OPN5: variants seen among roughly 807,000 people sequenced by gnomAD.
OPN5 encodes opsin-5.
OPN5 carries 18 observed loss-of-function variants against 41.7 expected under a neutral mutation model. The ratio of observed to expected loss-of-function variants is 0.43; its 90% CI spans 0.30 to 0.64. The LOEUF is 0.64. OPN5 is among the 30% of genes least tolerant of loss of function. OPN5 has a pLI of 0.13. For missense variants in OPN5, 318 were observed against 434.5 expected (o/e 0.73, Z 2.38); for synonymous variants, 178 against 164.3 (o/e 1.08, Z -0.64).
intron 3 of OPN5, chr6:47,793,858 C>T: frequency 4.0e-6 from 3 of 748,678 alleles, no homozygotes; most frequent in Non-Finnish European, 3.3e-6. Context: ...ATGTGATTAC[C>T]TGTGCCAATG....
intron 6 of OPN5, among the ~76,000 whole-genome samples, chr6:47,821,975 G>A (rs983497977): frequency 4.6e-5 from 7 of 152,088 alleles, no homozygotes; most frequent in East Asian, 3.9e-4. Context: ...AGCTGGGCGC[G>A]GTGGCACGTG....
chr6:47,808,568 T>G (rs1335190297), intron 5 of OPN5, among the ~76,000 whole-genome samples, 173 bp downstream of exon 5: 1 of 152,190 alleles, frequency 6.6e-6, no homozygotes, highest in Non-Finnish European at 1.5e-5. Flanking sequence ...TAATCAGCTA[T>G]GTAGAGGTTG....
chr6:47,810,462 G>A (rs946277236), intron 5 of OPN5, among the ~76,000 whole-genome samples: 3 of 147,390 alleles, frequency 2.0e-5, no homozygotes, highest in Non-Finnish European at 4.4e-5. Context: ...GGTCTGCAGA[G>A]CAAGGTTAAG....
At chr6:47,820,133 T>TAGAG (rs5876036) in intron 6 of OPN5, among the ~76,000 whole-genome samples, 476 of 149,490 alleles carry the variant, frequency 3.2e-3, no homozygotes, top group African/African-American at 3.9e-3. Flanking sequence ...TCCTTTTGAA[T>TAGAG]AGAGAGAGAG....
intron 1 of OPN5, among the ~76,000 whole-genome samples, chr6:47,785,512 C>T (rs552337286): frequency 6.6e-6 from 1 of 152,132 alleles, no homozygotes; most frequent in Non-Finnish European, 1.5e-5. Flanking sequence ...AAATAGAAAA[C>T]TCTGGGTTTC....
At chr6:47,796,537 C>T (rs1773578034) in intron 4 of OPN5, among the ~76,000 whole-genome samples, 1 of 151,988 alleles carries the variant, frequency 6.6e-6, no homozygotes, top group Non-Finnish European at 1.5e-5. Context: ...ATTTAACCCC[C>T]CAAATTTTCT....
intron 3 of OPN5, 87 bp downstream of exon 3, chr6:47,792,059 C>A (rs1223059726): frequency 1.1e-6 from 1 of 887,950 alleles, no homozygotes; most frequent in Admixed American, 2.4e-5. Context: ...AGGTAATAAA[C>A]AAAGATTATG....
At chr6:47,784,351 C>T (rs946658252) in intron 1 of OPN5, among the ~76,000 whole-genome samples, 5 of 151,712 alleles carry the variant, frequency 3.3e-5, no homozygotes, top group Admixed American at 1.3e-4. Flanking sequence ...GGTTGGAGTG[C>T]AGTGGTGCGA....
intron 6 of OPN5, among the ~76,000 whole-genome samples, chr6:47,812,828 A>G (rs1356605710): frequency 2.0e-5 from 3 of 152,258 alleles, no homozygotes; most frequent in African/African-American, 7.2e-5. Flanking sequence ...GCCAGCAAGA[A>G]CAGCGAATAG....
chr6:47,785,107 T>C (rs1409189603), intron 1 of OPN5, among the ~76,000 whole-genome samples: 2 of 152,192 alleles, frequency 1.3e-5, no homozygotes, highest in Middle Eastern at 3.2e-3. Context: ...TCAAAAGAGA[T>C]GTAGACAGAT....
intron 4 of OPN5, among the ~76,000 whole-genome samples, chr6:47,802,353 T>A (rs2113975793): frequency 6.6e-6 from 1 of 152,258 alleles, no homozygotes; most frequent in Non-Finnish European, 1.5e-5. Context: ...AGTGTTACTT[T>A]GTGTTAACCA....
chr6:47,803,258 A>G (rs1034219458), intron 4 of OPN5, among the ~76,000 whole-genome samples: 4 of 152,230 alleles, frequency 2.6e-5, no homozygotes, highest in African/African-American at 7.2e-5. Context: ...GGTAGGTCAC[A>G]GTTGTCAAGT....
At chr6:47,818,156 T>C (rs1762486688) in intron 6 of OPN5, among the ~76,000 whole-genome samples, 2 of 152,156 alleles carry the variant, frequency 1.3e-5, no homozygotes, top group African/African-American at 4.8e-5. Context: ...GATCCACATA[T>C]ATACACATCC....
chr6:47,785,000 A>T (rs115314974), intron 1 of OPN5, among the ~76,000 whole-genome samples: 160 of 151,816 alleles, frequency 1.1e-3, no homozygotes, highest in African/African-American at 3.8e-3. Context: ...TAGAGAGGTG[A>T]CTATTTTTTG....
At chr6:47,809,403 T>C (rs927314572) in intron 5 of OPN5, among the ~76,000 whole-genome samples, 4 of 152,202 alleles carry the variant, frequency 2.6e-5, no homozygotes, top group African/African-American at 7.2e-5. Flanking sequence ...GTGACAAATA[T>C]TTTGGACTTT....
chr6:47,810,786 G>A lies in OPN5; in HGVS notation c.999-888G>A, dbSNP rs569023775. ...CAAATGTGGCCAAGAGCTCTTTCTG[G>A]AATGTTATTCTTTCCTACACCTGGG... is the stretch of plus-strand genomic sequence containing the variant. On this transcript the variant is annotated intron_variant, in intron 5 of 6. Coordinates refer to ENST00000371211, the Ensembl canonical transcript of OPN5. 7.2e-5 allele frequency among the ~76,000 whole-genome samples: 11 copies of A among 152,256 alleles called. No individual in the cohort carries two copies. In the South Asian group the frequency reaches 2.3e-3, roughly 32 times the overall value.
intron 4 of OPN5, among the ~76,000 whole-genome samples, chr6:47,799,451 C>G (rs1416577470): frequency 6.6e-6 from 1 of 152,086 alleles, no homozygotes; most frequent in Non-Finnish European, 1.5e-5. Context: ...GTTGGGGACT[C>G]TTGGTCTGGG....
intron 6 of OPN5, chr6:47,823,563 A>G (rs1762702574): frequency 9.8e-6 from 2 of 204,996 alleles, no homozygotes; most frequent in African/African-American, 4.6e-5. Context: ...GCAAAAAAAA[A>G]GTCTTAAAAA....
intron 5 of OPN5, 21 bp downstream of exon 5, chr6:47,808,416 A>C: frequency 6.2e-7 from 1 of 1,613,334 alleles, no homozygotes. Flanking sequence ...AGAAGCTGGA[A>C]ATGAATTACA....
Sources: allele counts gnomAD v4.1 joint callset (sites outside exome capture counted in the v4.1 genomes callset), GRCh38; gene constraint gnomAD v4.1.1; transcripts MANE v1.5; gene names NCBI Gene and HGNC (gene_info 2026-07-23, HGNC 2026-07-21).